The following ZNF69 variants were observed in gnomAD, a reference collection of about 807,000 sequenced individuals.
ZNF69 encodes ZNF3.
Under a neutral mutation model 50.9 loss-of-function variants are expected in ZNF69, and 47 were observed. That is an observed-to-expected ratio of 0.92 (90% CI 0.73 to 1.18). The LOEUF is 1.18. Among genes scored for constraint, ZNF69 ranks in the 50% most tolerant of loss-of-function variants. The pLI is 0.00. For missense variants in ZNF69, 717 were observed against 675.1 expected (o/e 1.06, Z -0.69); for synonymous variants, 216 against 223.1 (o/e 0.97, Z 0.29).
the ZNF69 span, among the ~76,000 whole-genome samples, chr19:11,964,045 G>T: frequency 6.6e-6 from 1 of 152,244 alleles, no homozygotes; most frequent in South Asian, 2.1e-4. Flanking sequence ...GTGAGAAGTA[G>T]CTGAATAACC....
the ZNF69 span, among the ~76,000 whole-genome samples, chr19:11,938,860 T>G: frequency 6.6e-6 from 1 of 152,208 alleles, no homozygotes; most frequent in African/African-American, 2.4e-5. Flanking sequence ...AAAGTGTTCC[T>G]ATTTCTCCAC....
chr19:11,947,225 A>T, the ZNF69 span: 19 of 1,614,036 alleles, frequency 1.2e-5, no homozygotes, highest in East Asian at 4.2e-4. Context: ...TCACCCAGGA[A>T]GAGTGGACAT....
the ZNF69 span, chr19:11,956,706 A>C: frequency 2.6e-6 from 1 of 390,800 alleles, no homozygotes; most frequent in Non-Finnish European, 4.5e-6. Flanking sequence ...AAATACAAAA[A>C]TTAGCCAGGT....
chr19:11,952,234 C>T, the ZNF69 span, among the ~76,000 whole-genome samples: 11 of 152,030 alleles, frequency 7.2e-5, no homozygotes, highest in South Asian at 2.1e-4. Flanking sequence ...ACTCTTGGAC[C>T]GGGTTTTGCC....
chr19:11,924,330 G>A, the ZNF69 span, among the ~76,000 whole-genome samples: 1 of 151,472 alleles, frequency 6.6e-6, no homozygotes, highest in East Asian at 1.9e-4. Context: ...TACTCCGGAG[G>A]CCGAGGTAAG....
chr19:11,920,781 G>A, the ZNF69 span, among the ~76,000 whole-genome samples: 1 of 152,106 alleles, frequency 6.6e-6, no homozygotes, highest in African/African-American at 2.4e-5. Context: ...TCACAGAAAG[G>A]TTCTTTCTTA....
chr19:11,947,270 A>T, the ZNF69 span: 7 of 1,613,990 alleles, frequency 4.3e-6, no homozygotes, highest in African/African-American at 9.3e-5. Flanking sequence ...TCTTCAGGGA[A>T]GTGATGCTGG....
chr19:11,965,146 GCTGTGCCCTT>G, the ZNF69 span: 1 of 1,611,232 alleles, frequency 6.2e-7, no homozygotes, highest in African/African-American at 1.3e-5. Context: ...TGTCTCCTGC[GCTGTGCCCTT>G]CTGTAGTCAC....
At chr19:11,910,853 A>G (rs1343702858), downstream of ZNF69, among the ~76,000 whole-genome samples, 1 of 152,234 alleles carries the variant, frequency 6.6e-6, no homozygotes, top group Non-Finnish European at 1.5e-5. Flanking sequence ...GCTTCTGCAC[A>G]GCAAAAGAAA....
At chr19:11,897,277 GC>G (rs2145221495) in intron 1 of ZNF69, among the ~76,000 whole-genome samples, 1 of 152,286 alleles carries the variant, frequency 6.6e-6, no homozygotes, top group South Asian at 2.1e-4. Flanking sequence ...AACCTGGGAG[GC>G]CAAGGTGGCG....
At chr19:11,895,343 T>C (rs1290187461) in intron 1 of ZNF69, among the ~76,000 whole-genome samples, 1 of 152,200 alleles carries the variant, frequency 6.6e-6, no homozygotes, top group Non-Finnish European at 1.5e-5. Context: ...GGATGCACAT[T>C]CAACCAGCAG....
At chr19:11,977,453 A>G in the ZNF69 span, 5 of 1,612,544 alleles carry the variant, frequency 3.1e-6, no homozygotes, top group African/African-American at 5.3e-5. Flanking sequence ...TTAAAGAGAA[A>G]GCAGTGTCTC....
At chr19:11,960,036 T>G in the ZNF69 span, among the ~76,000 whole-genome samples, 2 of 150,386 alleles carry the variant, frequency 1.3e-5, no homozygotes, top group Non-Finnish European at 2.9e-5. Context: ...TGTTTTTTTT[T>G]TCTTTTTTTT....
chr19:11,939,022 T>G, the ZNF69 span, among the ~76,000 whole-genome samples: 2 of 152,366 alleles, frequency 1.3e-5, no homozygotes, highest in South Asian at 2.1e-4. Context: ...CATAAATGTC[T>G]TCTTTTGAGA....
chr19:11,925,044 C>T, the ZNF69 span: 1 of 650,870 alleles, frequency 1.5e-6, no homozygotes, highest in Non-Finnish European at 2.6e-6. Context: ...GTATTTCATC[C>T]AATCAGAGGT....
chr19:11,919,694 A>G, the ZNF69 span, among the ~76,000 whole-genome samples: 1 of 152,122 alleles, frequency 6.6e-6, no homozygotes. Context: ...GGCTCTCACA[A>G]TGGGATGAGT....
chr19:11,934,675 C>T, the ZNF69 span, among the ~76,000 whole-genome samples: 48 of 147,202 alleles, frequency 3.3e-4, no homozygotes, highest in Non-Finnish European at 6.3e-4. Flanking sequence ...TACAGGCGTG[C>T]GCTGCCTCTC....
the ZNF69 span, among the ~76,000 whole-genome samples, chr19:11,952,742 A>C: frequency 6.6e-6 from 1 of 152,148 alleles, no homozygotes; most frequent in African/African-American, 2.4e-5. Flanking sequence ...AGATCACACA[A>C]AGTGACTCAC....
chr19:11,972,224 G>A, the ZNF69 span, among the ~76,000 whole-genome samples: 6 of 151,938 alleles, frequency 3.9e-5, no homozygotes, highest in Non-Finnish European at 8.8e-5. Flanking sequence ...GTTTGAGGCT[G>A]CAGTGAGCTA....
Sources: gnomAD v4.1 joint callset for allele counts (sites outside exome capture counted in the v4.1 genomes callset) on GRCh38, gnomAD v4.1.1 for gene constraint, MANE v1.5 for transcripts, NCBI Gene and HGNC (gene_info 2026-07-23, HGNC 2026-07-21) for gene names.